MIER2: variants seen among roughly 807,000 people sequenced by gnomAD.
MIER2 encodes MIER family member 2.
In MIER2, 30 loss-of-function variants were observed where a neutral mutation model predicts 67.6. The ratio of observed to expected loss-of-function variants is 0.44; its 90% CI spans 0.33 to 0.60. MIER2 has a LOEUF of 0.60. MIER2 is among the 20% of genes least tolerant of loss of function. The pLI, the probability that MIER2 is intolerant of heterozygous loss-of-function variation, is 0.02. For synonymous variants in MIER2, 372 were observed against 312.6 expected (o/e 1.19, Z -2.00); for missense variants, 702 against 745.1 (o/e 0.94, Z 0.67).
chr19:330,721 T>C (rs1971986462), intron 3 of MIER2, among the ~76,000 whole-genome samples: 1 of 152,102 alleles, frequency 6.6e-6, no homozygotes, highest in Admixed American at 6.5e-5. Context: ...ATTAGTGTCC[T>C]TTCAAGAAAA....
chr19:340,761 C>T (rs188680213), intron 1 of MIER2, among the ~76,000 whole-genome samples: 39 of 152,248 alleles, frequency 2.6e-4, no homozygotes, highest in Admixed American at 1.8e-3. Flanking sequence ...ACTCTGGCAA[C>T]AAGGCTGCCA....
intron 3 of MIER2, among the ~76,000 whole-genome samples, chr19:330,533 C>T (rs183787060): frequency 1.4e-5 from 2 of 143,880 alleles, no homozygotes; most frequent in East Asian, 2.0e-4. Flanking sequence ...TGGGCGACAG[C>T]GAGACCCTGT....
chr19:343,753 A>G (rs895042483), intron 1 of MIER2: 31 of 759,184 alleles, frequency 4.1e-5, no homozygotes, highest in Non-Finnish European at 4.6e-5. Context: ...TGCGCACAGA[A>G]GTCATGCACT....
chr19:307,367 C>T lies in MIER2; in HGVS notation c.1368G>A (p.Gln456=). The T allele has an allele frequency of 6.2e-7, 1 of 1,606,686 alleles. No homozygotes were observed. The highest frequency in any genetic ancestry group is 8.5e-7 in the Non-Finnish European group (1 of 1,177,460). Residue 456 remains glutamine, a synonymous_variant, in exon 13 of 14, where the codon CAG becomes CAA. Transcript: ENST00000264819. The part of the protein sequence containing the change: ...PPALADPASY[Q]PAVTAPEPDA... Reference sequence around the variant, plus strand: ...CTGGCTCCGGAGCAGTGACAGCTGGCTGGTATGAGGCTGGGTCGGCCAGGG... The same window carrying T: ...CTGGCTCCGGAGCAGTGACAGCTGGTTGGTATGAGGCTGGGTCGGCCAGGG...
At chr19:319,702 C>T (rs960242756) in intron 7 of MIER2, among the ~76,000 whole-genome samples, 9 of 152,212 alleles carry the variant, frequency 5.9e-5, no homozygotes, top group Non-Finnish European at 1.3e-4. Context: ...CGTGATCCGC[C>T]CACCCCAGCC....
intron 7 of MIER2, among the ~76,000 whole-genome samples, chr19:320,088 C>A (rs1252300477): frequency 2.0e-5 from 3 of 152,142 alleles, no homozygotes; most frequent in African/African-American, 7.2e-5. Flanking sequence ...AGACGCCTTA[C>A]TGCAGGCCGG....
rs777886427 is a variant in MIER2, at chr19:336,066, A to G, written c.100+17T>C. The G allele has an allele frequency of 1.2e-6, 2 of 1,611,078 alleles. No individual in the cohort carries two copies. The highest frequency in any genetic ancestry group is 1.7e-6 in the Non-Finnish European group (2 of 1,177,696). On this transcript the variant is annotated intron_variant, in intron 2 of 13. Transcript: ENST00000264819. Reference sequence around the variant, plus strand: ...GGCCTTGGCGGACCTGAGCAGGGGAAGGAGGGAGGAAGGTACCTGCTGTTG... The same window carrying G: ...GGCCTTGGCGGACCTGAGCAGGGGAGGGAGGGAGGAAGGTACCTGCTGTTG...
intron 13 of MIER2, 62 bp downstream of exon 13, chr19:307,057 C>G: frequency 6.6e-7 from 1 of 1,508,142 alleles, no homozygotes; most frequent in Non-Finnish European, 8.9e-7. Flanking sequence ...TCTGCTCAGC[C>G]TGAGGGCTGG....
intron 7 of MIER2, among the ~76,000 whole-genome samples, chr19:315,487 A>G (rs1179544417): frequency 2.0e-5 from 3 of 152,274 alleles, no homozygotes; most frequent in Non-Finnish European, 4.4e-5. Context: ...GAAATGGACA[A>G]AACGCCGGAG....
intron 3 of MIER2, among the ~76,000 whole-genome samples, chr19:328,890 A>G (rs1156453482): frequency 6.6e-6 from 1 of 152,228 alleles, no homozygotes; most frequent in Non-Finnish European, 1.5e-5. Flanking sequence ...ATTAACGAAC[A>G]CTGTTTTGAT....
chr19:313,345 A>G, intron 8 of MIER2, 147 bp downstream of exon 8: 2 of 1,301,900 alleles, frequency 1.5e-6, no homozygotes, highest in Non-Finnish European at 2.1e-6. Flanking sequence ...TTCTGACCTG[A>G]GTAGCTGTTC....
At chr19:330,350 T>C (rs1971964265) in intron 3 of MIER2, 1 of 151,570 alleles carries the variant, frequency 6.6e-6, no homozygotes, top group African/African-American at 2.4e-5. Flanking sequence ...ATTGAGACCA[T>C]CCTGGCGAAC....
intron 1 of MIER2, chr19:344,457 C>T: frequency 2.3e-6 from 2 of 862,932 alleles, no homozygotes; most frequent in Non-Finnish European, 2.8e-6. Context: ...GCGCGCCCAC[C>T]GGACCCCCGA....
At chr19:334,705 C>G (rs1483631204) in intron 2 of MIER2, among the ~76,000 whole-genome samples, 163 bp from the exon 3 acceptor site, 3 of 152,208 alleles carry the variant, frequency 2.0e-5, no homozygotes, top group Non-Finnish European at 4.4e-5. Context: ...GACTAATGCA[C>G]ACAGGAGCAC....
chr19:344,463 C>T (rs1350059288), intron 1 of MIER2: 1 of 789,750 alleles, frequency 1.3e-6, no homozygotes, highest in Non-Finnish European at 1.5e-6. Context: ...CCACCGGACC[C>T]CCGACACCAG....
intron 1 of MIER2, among the ~76,000 whole-genome samples, chr19:336,636 G>C (rs577272637): frequency 1.8e-4 from 27 of 152,308 alleles, no homozygotes; most frequent in African/African-American, 6.3e-4. Flanking sequence ...CAGTGGGAGA[G>C]TGACTGCTAA....
chr19:324,391 T>C (rs865866142), intron 7 of MIER2, among the ~76,000 whole-genome samples: 3 of 102,738 alleles, frequency 2.9e-5, no homozygotes, highest in African/African-American at 1.5e-4. Context: ...ACGACTCGAA[T>C]GACACAGGCG....
At chr19:331,973 T>A (rs955134785) in intron 3 of MIER2, among the ~76,000 whole-genome samples, 1 of 152,100 alleles carries the variant, frequency 6.6e-6, no homozygotes, top group Admixed American at 6.5e-5. Flanking sequence ...AGAGCAAGAC[T>A]CCATCTCAAA....
At chr19:313,449 C>T (rs750458160) in intron 8 of MIER2, 43 bp downstream of exon 8, 15 of 1,593,696 alleles carry the variant, frequency 9.4e-6, no homozygotes, top group East Asian at 8.9e-5. Flanking sequence ...GCCCACGCCA[C>T]GGCAGCCCTC....
Sources: gnomAD v4.1 joint callset for allele counts (sites outside exome capture counted in the v4.1 genomes callset) on GRCh38, gnomAD v4.1.1 for gene constraint, MANE v1.5 for transcripts, NCBI Gene and HGNC (gene_info 2026-07-23, HGNC 2026-07-21) for gene names.